The following TICRR variants were observed in gnomAD, a reference collection of about 807,000 sequenced individuals.
The protein encoded by TICRR is treslin.
TICRR carries 132 observed loss-of-function variants against 178.1 expected under a neutral mutation model. The observed-to-expected ratio is 0.74, with a 90% CI of 0.64 to 0.86. The LOEUF is 0.86. Among genes scored for constraint, TICRR ranks in the 40% least tolerant of loss-of-function variants. The pLI, the probability that TICRR is intolerant of heterozygous loss-of-function variation, is 0.00. For synonymous variants in TICRR, 991 were observed against 900.7 expected (o/e 1.10, Z -1.79); for missense variants, 2,587 against 2,334.3 (o/e 1.11, Z -2.23).
At chr15:89,601,138 T>A (rs1472208224) in intron 9 of TICRR, among the ~76,000 whole-genome samples, 160 bp from the exon 10 acceptor site, 1 of 150,686 alleles carries the variant, frequency 6.6e-6, no homozygotes, top group East Asian at 2.0e-4. Flanking sequence ...GCAGCTTGAA[T>A]CACCTATTTA....
intron 4 of TICRR, among the ~76,000 whole-genome samples, chr15:89,591,316 G>T (rs1405553094): frequency 6.6e-6 from 1 of 152,078 alleles, no homozygotes; most frequent in South Asian, 2.1e-4. Context: ...TAGAGACGGG[G>T]TTTTGCCATG....
At chr15:89,586,357 C>T (rs370416959) in intron 4 of TICRR, among the ~76,000 whole-genome samples, 1 of 150,440 alleles carries the variant, frequency 6.6e-6, no homozygotes, top group Non-Finnish European at 1.5e-5. Flanking sequence ...TATACGTATA[C>T]ATATATATAT....
At chr15:89,618,626 C>T (rs1167590129) in intron 17 of TICRR, among the ~76,000 whole-genome samples, 2 of 152,222 alleles carry the variant, frequency 1.3e-5, no homozygotes, top group Non-Finnish European at 2.9e-5. Context: ...CCCCAACACA[C>T]AGTGCCTGGC....
At position 89,627,100 on chromosome 15, in the gene TICRR, T is replaced by A; in HGVS notation, c.*14T>A. ...GAGGACTTATAGCCACAAACATTAC[T>A]GAGCCCAAAAGATCAAGGAGTCAGC... On this transcript the variant is annotated 3_prime_UTR_variant, in exon 22 of 22. Coordinates refer to ENST00000268138, the MANE Select transcript of TICRR (RefSeq NM_152259.4). 1 of 1,613,750 alleles carries A rather than the reference T, an allele frequency of 6.2e-7. No homozygotes were observed. The highest frequency in any genetic ancestry group is 8.5e-7 in the Non-Finnish European group (1 of 1,180,012).
chr15:89,576,021 C>G lies in TICRR; in HGVS notation c.435C>G (p.Ala145=), dbSNP rs1363396867. 2 of 1,609,296 alleles carry G rather than the reference C, an allele frequency of 1.2e-6. No individual in the cohort carries two copies. Among genetic ancestry groups the G allele is most frequent in the East Asian group, 2.2e-5 (1 of 44,760 alleles). ...AGAGCGAGGCCAAGGAGGCCGAGGC[C>G]GCGCTCGGGGGCTTGGTGAACGCCG... is the stretch of plus-strand genomic sequence containing the variant. The part of the protein sequence containing the change: ...DVESEAKEAE[A]ALGGLVNAVF... The change falls in exon 1 of 22, where the codon GCC becomes GCG. Residue 145 remains alanine (A), a synonymous_variant. Transcript: ENST00000268138.
intron 1 of TICRR, chr15:89,582,441 T>A (rs1962744428): frequency 4.5e-6 from 2 of 445,658 alleles, no homozygotes; most frequent in Admixed American, 4.0e-5. Flanking sequence ...TGACAAAAAA[T>A]ATAAATGAGG....
At chr15:89,613,377 T>C (rs1488299451) in intron 15 of TICRR, among the ~76,000 whole-genome samples, 2 of 152,112 alleles carry the variant, frequency 1.3e-5, no homozygotes, top group Non-Finnish European at 2.9e-5. Context: ...TTTGATAGTT[T>C]GATTATGATT....
chr15:89,595,881 GAA>G (rs1462695774), intron 7 of TICRR, among the ~76,000 whole-genome samples: 2 of 151,986 alleles, frequency 1.3e-5, no homozygotes, highest in Non-Finnish European at 2.9e-5. Flanking sequence ...AAGAAAAAAA[GAA>G]AGAAAATTCT....
rs1297914258 is a variant in TICRR at position 89,627,537 on chromosome 15, T to C, written c.*451T>C. 1 of 161,400 alleles carries C rather than the reference T, an allele frequency of 6.2e-6. No homozygotes were observed. The highest frequency in any genetic ancestry group is 1.4e-5 in the Non-Finnish European group (1 of 73,982). The allele number at this position is 161,400 out of a possible 1,614,324, so 10.0% of individuals were successfully genotyped here. A position where few individuals can be genotyped will look rare whatever the true frequency, so the allele number is the denominator to read the frequency against. ...CATATACGTGAAACTGAAGAGTGCA[T>C]TGGGCAGTGGAAGCTATTTTTTGCC... On this transcript the variant is annotated 3_prime_UTR_variant, in exon 22 of 22. Transcript: ENST00000268138.
intron 17 of TICRR, among the ~76,000 whole-genome samples, chr15:89,618,863 G>A (rs1484554416): frequency 6.6e-6 from 1 of 152,216 alleles, no homozygotes; most frequent in Non-Finnish European, 1.5e-5. Flanking sequence ...GGAGGCTGAG[G>A]TGAGAGGATC....
intron 21 of TICRR, among the ~76,000 whole-genome samples, chr15:89,626,376 C>G (rs368692234): frequency 1.3e-5 from 2 of 152,202 alleles, no homozygotes; most frequent in Non-Finnish European, 2.9e-5. Flanking sequence ...CTGAGCAGCA[C>G]GAGTGATAGG....
In TICRR at chr15:89,575,716, C is replaced by T; in HGVS notation, c.130C>T (p.His44Tyr). 3.1e-6 allele frequency: 5 copies of T among 1,609,362 alleles called. No individual in the cohort carries two copies. The highest frequency in any genetic ancestry group is 4.2e-6 in the Non-Finnish European group (5 of 1,178,836). Residue 44 changes from histidine (H) to tyrosine (Y), a missense_variant, in exon 1 of 22, where the codon CAC becomes TAC. By Grantham distance (83) the His-to-Tyr change is moderately conservative (BLOSUM62 2). Transcript: ENST00000268138. Reference sequence around the variant, plus strand: ...TTGCCGATTCGGCCTGGCCAGGGTCCACTGGGCCTTCAAGTTCTTTGACTC... The same window carrying T: ...TTGCCGATTCGGCCTGGCCAGGGTCTACTGGGCCTTCAAGTTCTTTGACTC... ...LSCRFGLARV[H>Y]WAFKFFDSQG...
chr15:89,578,274 G>A (rs915886510), intron 1 of TICRR, among the ~76,000 whole-genome samples: 16 of 152,282 alleles, frequency 1.1e-4, no homozygotes, highest in African/African-American at 3.4e-4. Flanking sequence ...ATTACAGATG[G>A]AAAATGAGCA....
Position 89,576,060 on chromosome 15 carries a change from C to A in TICRR, c.474C>A (p.Ala158=). Residue 158 remains alanine (A), a synonymous_variant, in exon 1 of 22, where the codon GCC becomes GCA. Transcript: ENST00000268138. ...GGLVNAVFLL[A]PCPHSQRELL... is the part of the protein sequence containing the mutation. The stretch of plus-strand genomic sequence containing the variant: ...TGGTGAACGCCGTCTTCCTCCTGGC[C>A]CCCTGTCCGCACTCGCAGAGGGAGC... The A allele has an allele frequency of 6.2e-7, 1 of 1,611,792 alleles. No individual in the cohort carries two copies. Among genetic ancestry groups the A allele is most frequent in the Non-Finnish European group, 8.5e-7 (1 of 1,179,714 alleles).
At chr15:89,622,057 G>A (rs1398767216) in intron 19 of TICRR, among the ~76,000 whole-genome samples, 1 of 135,212 alleles carries the variant, frequency 7.4e-6, no homozygotes, top group Admixed American at 8.6e-5. Flanking sequence ...CACGATCTCA[G>A]CTCACTGCAA....
Position 89,595,608 on chromosome 15 carries a change from A to G in TICRR, c.1897A>G (p.Lys633Glu), listed in dbSNP as rs1397767349. 3 of 1,611,770 alleles carry G rather than the reference A, an allele frequency of 1.9e-6. No individual in the cohort carries two copies. The highest frequency in any genetic ancestry group is 1.1e-5 in the South Asian group (1 of 90,994). The change falls in exon 7 of 22, where the codon AAA (lysine) becomes GAA (glutamate). Residue 633 changes from lysine to glutamate, a missense_variant. Lys to Glu is a moderately conservative substitution (Grantham distance 56). Transcript: ENST00000268138. Reference protein sequence around the residue: ...RGRTLRSSKPKDFKTEEELLS... With the variant: ...RGRTLRSSKPEDFKTEEELLS... Reference sequence around the variant, plus strand: ...AAGAACACTAAGAAGTTCTAAACCTAAAGGTATTCCTCTTAGTCTATAATT... The same window carrying G: ...AAGAACACTAAGAAGTTCTAAACCTGAAGGTATTCCTCTTAGTCTATAATT...
intron 15 of TICRR, 130 bp from the exon 16 acceptor site, chr15:89,616,275 C>A: frequency 1.4e-6 from 1 of 693,616 alleles, no homozygotes; most frequent in South Asian, 1.8e-5. Flanking sequence ...GAACTTAGCC[C>A]AAAGACCATT....
At chr15:89,603,135 A>C (rs1243849180) in intron 13 of TICRR, among the ~76,000 whole-genome samples, 5 of 152,188 alleles carry the variant, frequency 3.3e-5, no homozygotes. Context: ...TTAGGAATGA[A>C]TTAATTCAAA....
chr15:89,626,129 G>A, intron 21 of TICRR, 68 bp downstream of exon 21: 2 of 1,580,338 alleles, frequency 1.3e-6, no homozygotes, highest in Admixed American at 1.8e-5. Flanking sequence ...GGGTTGCCAG[G>A]CAGCTCGATT....
Sources: allele counts gnomAD v4.1 joint callset (sites outside exome capture counted in the v4.1 genomes callset), GRCh38; gene constraint gnomAD v4.1.1; transcripts MANE v1.5; gene names NCBI Gene and HGNC (gene_info 2026-07-23, HGNC 2026-07-21).